Variants in RYR2 observed in about 807,000 individuals in gnomAD.
RYR2 encodes cardiac muscle ryanodine receptor-calcium release channel.
RYR2 carries 227 observed loss-of-function variants against 601.1 expected under a neutral mutation model. The ratio of observed to expected loss-of-function variants is 0.38; its 90% CI spans 0.34 to 0.42. The LOEUF is 0.42. RYR2 is among the 10% of genes least tolerant of loss of function. The pLI is 1.00. For missense variants in RYR2, 4,646 were observed against 6,156.5 expected (o/e 0.75, Z 8.21); for synonymous variants, 2,223 against 2,175.1 (o/e 1.02, Z -0.61).
At chr1:237,150,001 G>A (rs972557014) in intron 1 of RYR2, among the ~76,000 whole-genome samples, 4 of 152,214 alleles carry the variant, frequency 2.6e-5, no homozygotes, top group South Asian at 2.1e-4. Flanking sequence ...TGCTACTGCT[G>A]TTGTATTAGT....
chr1:237,350,671 T>C (rs562964878), intron 3 of RYR2, among the ~76,000 whole-genome samples: 44 of 137,690 alleles, frequency 3.2e-4, no homozygotes, highest in African/African-American at 1.2e-3. Flanking sequence ...GCAGAAAGTA[T>C]TGCGAGAAAT....
rs1658470789 is a variant in RYR2, at chr1:237,792,294, T to G, written c.13753T>G (p.Phe4585Val). The G allele has an allele frequency of 6.2e-7, 1 of 1,611,966 alleles. No individual in the cohort carries two copies. The highest frequency in any genetic ancestry group is 1.3e-5 in the African/African-American group (1 of 74,860). The change falls in exon 94 of 105, where the codon TTC (phenylalanine) becomes GTC (valine). Residue 4585 changes from phenylalanine (F) to valine (V), a missense_variant. Transcript: ENST00000366574. ...TATTCTGCACACGGTCATTTCTTTC[T>G]TCTGCATCATTGGATACTACTGCTT... ...LAILHTVISF[F>V]CIIGYYCLKV...
intron 51 of RYR2, among the ~76,000 whole-genome samples, chr1:237,652,112 C>T (rs1682819560): frequency 6.6e-6 from 1 of 152,114 alleles, no homozygotes; most frequent in Admixed American, 6.5e-5. Flanking sequence ...TAGGCCTGGC[C>T]TAAAATATTA....
chr1:237,204,630 A>G (rs1272925405), intron 1 of RYR2, among the ~76,000 whole-genome samples: 1 of 152,152 alleles, frequency 6.6e-6, no homozygotes, highest in African/African-American at 2.4e-5. Flanking sequence ...TCCATTCCGC[A>G]TTCCTTAGCT....
intron 41 of RYR2, among the ~76,000 whole-genome samples, chr1:237,628,693 GT>G (rs890870269): frequency 4.0e-5 from 6 of 150,852 alleles, no homozygotes; most frequent in Admixed American, 1.3e-4. Context: ...ATCTTTCAGT[GT>G]TTTTTTTTAA....
chr1:237,755,063 C>T (rs779277696), intron 80 of RYR2: 165 of 1,287,992 alleles, frequency 1.3e-4, no homozygotes, highest in Non-Finnish European at 1.6e-4. Context: ...TTTCGCAGCA[C>T]GATATTATCA....
chr1:237,620,441 C>CTT (rs1432485402), intron 38 of RYR2, among the ~76,000 whole-genome samples: 1 of 151,980 alleles, frequency 6.6e-6, no homozygotes, highest in Non-Finnish European at 1.5e-5. Context: ...CAAACGGAAC[C>CTT]ACAGGTGAAA....
intron 80 of RYR2, among the ~76,000 whole-genome samples, chr1:237,744,355 A>AG (rs1691876223): frequency 6.6e-6 from 1 of 151,962 alleles, no homozygotes; most frequent in Non-Finnish European, 1.5e-5. Context: ...TGTTTAAAAA[A>AG]AAAAAAAGCT....
chr1:237,527,294 A>G (rs1331949869), intron 24 of RYR2, among the ~76,000 whole-genome samples: 1 of 152,120 alleles, frequency 6.6e-6, no homozygotes, highest in Admixed American at 6.5e-5. Flanking sequence ...TTTTGATTCC[A>G]TGTGAACTCA....
chr1:237,162,843 T>C (rs1676190571), intron 1 of RYR2, among the ~76,000 whole-genome samples: 1 of 152,118 alleles, frequency 6.6e-6, no homozygotes. Context: ...TCTAAATGCC[T>C]GCTGTTCATA....
intron 17 of RYR2, among the ~76,000 whole-genome samples, chr1:237,488,466 G>T (rs1296660165): frequency 3.3e-5 from 5 of 152,080 alleles, no homozygotes; most frequent in African/African-American, 4.8e-5. Context: ...ATTCTTAAGG[G>T]CTCTACCTTC....
intron 42 of RYR2, 72 bp downstream of exon 42, chr1:237,631,613 A>ATTTTTTTTTTGTTTTTTTTTTTTTTTT (rs1680264939): frequency 5.2e-6 from 1 of 191,274 alleles, no homozygotes; most frequent in African/African-American, 6.8e-5. Context: ...TAGAATGCAG[A>ATTTTTTTTTTGTTTTTTTTTTTTTTTT]TTTTTTTTTT....
At chr1:237,591,441 A>G (rs933954134) in intron 31 of RYR2, among the ~76,000 whole-genome samples, 13 of 152,134 alleles carry the variant, frequency 8.5e-5, no homozygotes, top group African/African-American at 3.1e-4. Context: ...CTTATACTAA[A>G]TCAGAGTTTC....
chr1:237,111,873 C>T (rs1372195718), intron 1 of RYR2, among the ~76,000 whole-genome samples: 1 of 152,078 alleles, frequency 6.6e-6, no homozygotes, highest in Admixed American at 6.6e-5. Flanking sequence ...CCTCTCTGAG[C>T]TAGAGAACTG....
At chr1:237,558,986 T>C (rs1671183674) in intron 27 of RYR2, among the ~76,000 whole-genome samples, 1 of 148,448 alleles carries the variant, frequency 6.7e-6, no homozygotes, top group Non-Finnish European at 1.5e-5. Context: ...TGGTGAAGCA[T>C]CATTTTTGTA....
intron 2 of RYR2, among the ~76,000 whole-genome samples, chr1:237,324,347 T>A (rs971701048): frequency 6.6e-6 from 1 of 152,206 alleles, no homozygotes; most frequent in African/African-American, 2.4e-5. Flanking sequence ...ACATAGAATT[T>A]GATATCTCCA....
At chr1:237,652,558 A>C (rs1277165782) in intron 51 of RYR2, among the ~76,000 whole-genome samples, 4 of 152,196 alleles carry the variant, frequency 2.6e-5, no homozygotes, top group Non-Finnish European at 5.9e-5. Flanking sequence ...GCATCCCTGG[A>C]TATTTAGCAA....
intron 1 of RYR2, among the ~76,000 whole-genome samples, chr1:237,213,924 T>TC (rs1682881635): frequency 1.5e-5 from 2 of 136,776 alleles, no homozygotes; most frequent in Non-Finnish European, 1.6e-5. Context: ...TCTTTTTTTT[T>TC]TTTTTTTTTT....
chr1:237,218,879 T>C (rs1683473369), intron 1 of RYR2, among the ~76,000 whole-genome samples: 1 of 152,100 alleles, frequency 6.6e-6, no homozygotes, highest in Non-Finnish European at 1.5e-5. Context: ...TGGCTGTAAG[T>C]AAGAGATGCT....
Sources: gnomAD v4.1 joint callset for allele counts (sites outside exome capture counted in the v4.1 genomes callset) on GRCh38, gnomAD v4.1.1 for gene constraint, MANE v1.5 for transcripts, NCBI Gene and HGNC (gene_info 2026-07-23, HGNC 2026-07-21) for gene names.